The following AK5 variants were observed in gnomAD, a reference collection of about 807,000 sequenced individuals.
AK5 encodes the protein adenylate kinase 5.
AK5 carries 27 observed loss-of-function variants against 69.5 expected under a neutral mutation model. The ratio of observed to expected loss-of-function variants is 0.39; its 90% confidence interval spans 0.29 to 0.54. The LOEUF is 0.54. AK5 is among the 20% of genes least tolerant of loss of function. The pLI, the probability that AK5 is intolerant of heterozygous loss-of-function variation, is 0.71. For missense variants in AK5, 531 were observed against 700.4 expected, an observed-to-expected ratio of 0.76 and a Z score of 2.73; for synonymous variants, 260 against 244.4, an observed-to-expected ratio of 1.06 and a Z score of -0.60.
chr1:77,301,622 G>C (rs1317077489), intron 5 of AK5, among the ~76,000 whole-genome samples: 2 of 152,162 alleles, frequency 1.3e-5, no homozygotes, highest in Non-Finnish European at 2.9e-5. Flanking sequence ...TAGTTCAAAA[G>C]TGGAGAATCT....
At position 77,463,399 on chromosome 1, in the gene AK5, G is replaced by C. The variant is rs150157542; in HGVS notation, c.1060-19918G>C. ...CATACTGAACATCTACTAAATGTCAGGCACTATGCCAGATTCTGGGGTTAC... is the reference window on the plus strand; with the variant it reads ...CATACTGAACATCTACTAAATGTCACGCACTATGCCAGATTCTGGGGTTAC... On this transcript the variant is annotated intron_variant, in intron 8 of 13. Coordinates refer to ENST00000354567, the MANE Select transcript of AK5 (RefSeq NM_174858.3). 2.5e-3 allele frequency among the ~76,000 whole-genome samples: 375 copies of C among 152,246 alleles called. 3 individuals are homozygous for C. The highest frequency in any genetic ancestry group is 8.8e-3 in the African/African-American group (367 of 41,530).
chr1:77,529,893 C>G (rs1022425149), intron 12 of AK5, among the ~76,000 whole-genome samples: 1 of 152,052 alleles, frequency 6.6e-6, no homozygotes, highest in African/African-American at 2.4e-5. Flanking sequence ...CTTGGCTTTT[C>G]CCTCCCAAAA....
At chr1:77,474,642 G>A (rs1397280998) in intron 8 of AK5, among the ~76,000 whole-genome samples, 1 of 152,140 alleles carries the variant, frequency 6.6e-6, no homozygotes, top group Admixed American at 6.5e-5. Context: ...TGGAGAAGGA[G>A]TTGTCAGTCC....
rs373511433 is a variant in AK5 at position 77,325,624 on chromosome 1, A to G, written c.700-14753A>G. On this transcript the variant is annotated intron_variant, in intron 5 of 13. Transcript: ENST00000354567. ...TCTGTTACACCCTGTGCTGGTCTCC[A>G]TTTTGGGACTATATTCCAATATAGT... is the stretch of plus-strand genomic sequence containing the variant. 5.3e-5 allele frequency among the ~76,000 whole-genome samples: 8 copies of G among 152,178 alleles called. No homozygotes were observed. In the East Asian group the frequency reaches 1.3e-3, roughly 26 times the overall value.
Position 77,506,690 on chromosome 1 carries a change from C to T in AK5, c.1148-11874C>T, listed in dbSNP as rs1025365598. 4.1e-4 allele frequency among the ~76,000 whole-genome samples: 62 copies of T among 152,256 alleles called. No individual in the cohort carries two copies. In the East Asian group the frequency reaches 9.1e-3, roughly 22 times the overall value. ...TTAGAACATAGATGAAATCACATCC[C>T]TAAAGTCTACTATTCATTGTTAATG... On this transcript the variant is annotated intron_variant, in intron 10 of 13. Coordinates refer to ENST00000354567, the MANE Select transcript of AK5 (RefSeq NM_174858.3).
At chr1:77,295,927 A>G (rs1658977369) in intron 3 of AK5, among the ~76,000 whole-genome samples, 1 of 152,176 alleles carries the variant, frequency 6.6e-6, no homozygotes, top group Non-Finnish European at 1.5e-5. Context: ...CAGTGAAATC[A>G]ACTTGTTTCC....
At chr1:77,384,728 A>G (rs1039932427) in intron 6 of AK5, among the ~76,000 whole-genome samples, 1 of 152,234 alleles carries the variant, frequency 6.6e-6, no homozygotes, top group Non-Finnish European at 1.5e-5. Flanking sequence ...AAATAATTCA[A>G]TGCCCAACAG....
At chr1:77,298,709 A>G (rs1659161176) in intron 5 of AK5, among the ~76,000 whole-genome samples, 1 of 151,810 alleles carries the variant, frequency 6.6e-6, no homozygotes, top group African/African-American at 2.4e-5. Flanking sequence ...CTATAGGCCC[A>G]GCTACTCAGG....
chr1:77,357,835 C>G (rs1311120036), intron 6 of AK5, among the ~76,000 whole-genome samples: 1 of 152,174 alleles, frequency 6.6e-6, no homozygotes, highest in Non-Finnish European at 1.5e-5. Context: ...TATCATTTTA[C>G]TTTTCAACAT....
chr1:77,415,714 T>C (rs1341224148), intron 7 of AK5, among the ~76,000 whole-genome samples: 1 of 152,190 alleles, frequency 6.6e-6, no homozygotes, highest in East Asian at 1.9e-4. Context: ...CTTGACAGCA[T>C]GCTCCTCCAG....
intron 8 of AK5, among the ~76,000 whole-genome samples, chr1:77,429,740 T>G (rs1048341765): frequency 6.6e-6 from 1 of 152,168 alleles, no homozygotes; most frequent in Non-Finnish European, 1.5e-5. Flanking sequence ...ATTACAGGCG[T>G]GAGCCACTGC....
In AK5 at chr1:77,452,532, A is replaced by G. The variant is rs565499731; in HGVS notation, c.1060-30785A>G. On this transcript the variant is annotated intron_variant, in intron 8 of 13. Coordinates refer to ENST00000354567, the MANE Select transcript of AK5 (RefSeq NM_174858.3). ...TCCCACATGACTCATGATGCAGAGT[A>G]TATTAAATGCTAAAATATCTGCAGT... Among the ~76,000 whole-genome samples, 4 of 152,354 alleles carry G rather than the reference A, an allele frequency of 2.6e-5. No individual in the cohort carries two copies. The South Asian group carries it at 8.3e-4, about 32-fold the overall frequency.
rs117484615 is a variant in AK5, at chr1:77,524,625, A to G, written c.1428+2682A>G. Among the ~76,000 whole-genome samples the G allele has an allele frequency of 2.5e-4, 38 of 152,238 alleles. No homozygotes were observed. The East Asian group carries it at 7.3e-3, about 29-fold the overall frequency. ...TGTTGTCTAGTTGTAGGAGTTCTTT[A>G]TATATTTTGGATAGTAACTCCTTAT... On this transcript the variant is annotated intron_variant, in intron 12 of 13. Coordinates refer to ENST00000354567, the MANE Select transcript of AK5 (RefSeq NM_174858.3).
chr1:77,471,799 C>T (rs538426983), intron 8 of AK5, among the ~76,000 whole-genome samples: 1 of 152,294 alleles, frequency 6.6e-6, no homozygotes, highest in East Asian at 1.9e-4. Flanking sequence ...CAGCAAAATG[C>T]ATCCTTCCTG....
At chr1:77,301,181 C>G (rs920723987) in intron 5 of AK5, among the ~76,000 whole-genome samples, 2 of 152,160 alleles carry the variant, frequency 1.3e-5, no homozygotes, top group East Asian at 3.9e-4. Context: ...GACTGGGCAG[C>G]TTTTTTCCTT....
In AK5 at chr1:77,483,318, G is replaced by A. The variant is rs751444639; in HGVS notation, c.1061G>A (p.Gly354Asp). ...IDTGSDYEDQ[G>D]DDQLNVFGED... ...CTAATATTGTGATTTTTTTAACAGGGTGATGACCAGTTAAATGTATTTGGA... is the reference window on the plus strand; with the variant it reads ...CTAATATTGTGATTTTTTTAACAGGATGATGACCAGTTAAATGTATTTGGA... The change falls in exon 9 of 14, where the codon GGT (glycine) becomes GAT (aspartate). Residue 354 changes from glycine to aspartate, a missense_variant and splice_region_variant. Physicochemically the swap from Gly to Asp is moderately conservative, Grantham distance 94. Transcript: ENST00000354567. The A allele has an allele frequency of 1.2e-6, 2 of 1,609,974 alleles. No individual in the cohort carries two copies. Among genetic ancestry groups the A allele is most frequent in the Non-Finnish European group, 1.7e-6 (2 of 1,176,300 alleles).
chr1:77,321,467 C>T (rs1215148958), intron 5 of AK5, among the ~76,000 whole-genome samples: 7 of 150,624 alleles, frequency 4.6e-5, no homozygotes, highest in South Asian at 2.1e-4. Flanking sequence ...AGCGAGACTC[C>T]GTCTCAAAAA....
chr1:77,326,757 A>G (rs1660822301), intron 5 of AK5, among the ~76,000 whole-genome samples: 1 of 152,218 alleles, frequency 6.6e-6, no homozygotes, highest in South Asian at 2.1e-4. Context: ...TATAAAATCC[A>G]GTTGTCCAAA....
chr1:77,431,894 A>G (rs987464266), intron 8 of AK5, among the ~76,000 whole-genome samples: 2 of 152,208 alleles, frequency 1.3e-5, no homozygotes, highest in Non-Finnish European at 2.9e-5. Context: ...AGGATAAGTA[A>G]CAAAGGTGGT....
Sources: allele counts gnomAD v4.1 joint callset (sites outside exome capture counted in the v4.1 genomes callset), GRCh38; gene constraint gnomAD v4.1.1; transcripts MANE v1.5; gene names NCBI Gene and HGNC (gene_info 2026-07-23, HGNC 2026-07-21).